PSD3: variants seen among roughly 807,000 people sequenced by gnomAD.
The protein encoded by PSD3 is PH and SEC7 domain-containing protein 3.
In PSD3, 49 loss-of-function variants were observed where a neutral mutation model predicts 105.5. The observed-to-expected ratio is 0.46, with a 90% confidence interval of 0.37 to 0.59. PSD3 has a LOEUF of 0.59. Among genes scored for constraint, PSD3 ranks in the 20% least tolerant of loss-of-function variants. PSD3 has a pLI of 0.00. For synonymous variants in PSD3, 557 were observed against 457.8 expected (o/e 1.22, Z -2.77); for missense variants, 1,561 against 1,263.8 (o/e 1.24, Z -3.57).
chr8:18,722,131 C>G (rs1803020595), intron 9 of PSD3, among the ~76,000 whole-genome samples: 1 of 151,442 alleles, frequency 6.6e-6, no homozygotes. Context: ...ACTTAAAAGT[C>G]TACTAGATCG....
chr8:18,894,859 C>T (rs1455492551), intron 2 of PSD3, among the ~76,000 whole-genome samples: 1 of 152,104 alleles, frequency 6.6e-6, no homozygotes, highest in Non-Finnish European at 1.5e-5. Flanking sequence ...AGGAGACATC[C>T]GGAAGGGACA....
chr8:18,706,585 C>T (rs1199959296), intron 9 of PSD3, among the ~76,000 whole-genome samples: 1 of 152,128 alleles, frequency 6.6e-6, no homozygotes, highest in Non-Finnish European at 1.5e-5. Context: ...ATGCACAATC[C>T]AGGGGAGAAA....
intron 4 of PSD3, among the ~76,000 whole-genome samples, chr8:18,830,366 T>C (rs1813585470): frequency 6.6e-6 from 1 of 152,234 alleles, no homozygotes; most frequent in Non-Finnish European, 1.5e-5. Flanking sequence ...AAGTTATATT[T>C]GGTGTTCCCA....
chr8:18,587,540 C>G (rs1444325201), intron 12 of PSD3, among the ~76,000 whole-genome samples: 1 of 152,118 alleles, frequency 6.6e-6, no homozygotes, highest in Non-Finnish European at 1.5e-5. Context: ...TATTTTCACC[C>G]TTCTCTTGCT....
intron 1 of PSD3, among the ~76,000 whole-genome samples, chr8:19,012,242 G>T (rs1012354891): frequency 6.6e-6 from 1 of 152,172 alleles, no homozygotes; most frequent in Admixed American, 6.5e-5. Context: ...ATATAAAAAG[G>T]TTGTGGAAGG....
chr8:18,614,411 A>ATT (rs200955910), intron 11 of PSD3, among the ~76,000 whole-genome samples: 7,439 of 140,060 alleles, frequency 0.053, 224 homozygotes, highest in African/African-American at 0.082. Flanking sequence ...ATTACCGGGA[A>ATT]TTTTTTTTTT....
intron 10 of PSD3, among the ~76,000 whole-genome samples, chr8:18,650,607 G>C (rs911970948): frequency 1.5e-4 from 23 of 152,222 alleles, no homozygotes; most frequent in African/African-American, 5.1e-4. Context: ...ATCTCATGTT[G>C]TGTTCTCATT....
intron 2 of PSD3, among the ~76,000 whole-genome samples, chr8:18,914,830 T>C (rs1284016684): frequency 1.3e-5 from 2 of 152,192 alleles, no homozygotes; most frequent in African/African-American, 4.8e-5. Flanking sequence ...TCTAATGGCA[T>C]TTTTCAGGGA....
rs371463032 is a variant in PSD3, at chr8:18,843,332, CA to C, written c.1634+24341del. Among the ~76,000 whole-genome samples, 175 of 118,534 alleles carry C rather than the reference CA, an allele frequency of 1.5e-3. No individual in the cohort carries two copies. In the East Asian group the frequency reaches 0.016, roughly 11 times the overall value. The allele number at this position is 118,534 out of a possible 152,430, so 77.8% of individuals were successfully genotyped here. Reference sequence around the variant, plus strand: ...GCCGAGATCGCACGAGACTCCGTCTCAAAAAAAAAAAAAAAGAGTTATTGCT... The same window carrying C: ...GCCGAGATCGCACGAGACTCCGTCTCAAAAAAAAAAAAAAGAGTTATTGCT... On this transcript the variant is annotated intron_variant, in intron 4 of 15. Coordinates refer to ENST00000327040, the MANE Select transcript of PSD3 (RefSeq NM_015310.4).
At chr8:18,935,368 T>G (rs980425755) in intron 2 of PSD3, among the ~76,000 whole-genome samples, 2 of 152,054 alleles carry the variant, frequency 1.3e-5, no homozygotes, top group African/African-American at 4.8e-5. Context: ...AATAATATAT[T>G]TTGTTAGTGA....
At chr8:18,657,916 G>T (rs1038609) in intron 9 of PSD3, among the ~76,000 whole-genome samples, 56,898 of 151,634 alleles carry the variant, frequency 0.38, 10,861 homozygotes, top group South Asian at 0.51. Context: ...CCGCTAAACA[G>T]CTAAAATTTT....
At chr8:18,996,478 T>C (rs1826085128) in intron 1 of PSD3, among the ~76,000 whole-genome samples, 1 of 151,956 alleles carries the variant, frequency 6.6e-6, no homozygotes, top group African/African-American at 2.4e-5. Flanking sequence ...GATGGGAAGA[T>C]AAGGACTTTA....
chr8:18,997,251 T>C (rs1826131667), intron 1 of PSD3, among the ~76,000 whole-genome samples: 1 of 151,980 alleles, frequency 6.6e-6, no homozygotes, highest in Admixed American at 6.6e-5. Flanking sequence ...GAGCTCCTGA[T>C]CCTTTCCAAA....
chr8:18,911,152 G>A (rs776749948), intron 2 of PSD3, among the ~76,000 whole-genome samples: 2 of 152,074 alleles, frequency 1.3e-5, no homozygotes, highest in East Asian at 1.9e-4. Flanking sequence ...GAGTGTTTTC[G>A]GTAGAGTGGG....
chr8:18,876,449 C>T (rs987574727), intron 2 of PSD3, among the ~76,000 whole-genome samples: 3 of 152,102 alleles, frequency 2.0e-5, no homozygotes, highest in Non-Finnish European at 4.4e-5. Flanking sequence ...TGCAGTGGGA[C>T]GATCATGGCT....
chr8:18,553,804 C>A (rs1800915525), intron 15 of PSD3, among the ~76,000 whole-genome samples: 1 of 152,176 alleles, frequency 6.6e-6, no homozygotes, highest in African/African-American at 2.4e-5. Flanking sequence ...AATTTTCCCT[C>A]TTTCATGACA....
chr8:19,057,373 G>A (rs1255445166), intron 1 of PSD3, among the ~76,000 whole-genome samples: 2 of 151,976 alleles, frequency 1.3e-5, no homozygotes, highest in African/African-American at 4.8e-5. Context: ...GTCTCCACAT[G>A]GCCTCATCTC....
At chr8:18,766,388 T>G (rs1396728277) in intron 8 of PSD3, among the ~76,000 whole-genome samples, 2 of 152,172 alleles carry the variant, frequency 1.3e-5, no homozygotes, top group Non-Finnish European at 2.9e-5. Flanking sequence ...ACAATTTTAC[T>G]GCACTAAAAA....
chr8:18,560,934 T>C (rs538744986), intron 14 of PSD3, among the ~76,000 whole-genome samples: 7 of 152,318 alleles, frequency 4.6e-5, no homozygotes, highest in Non-Finnish European at 5.9e-5. Flanking sequence ...TGGAGTGATA[T>C]AGGTTAGACC....
Sources: allele counts gnomAD v4.1 joint callset (sites outside exome capture counted in the v4.1 genomes callset), GRCh38; gene constraint gnomAD v4.1.1; transcripts MANE v1.5; gene names NCBI Gene and HGNC (gene_info 2026-07-23, HGNC 2026-07-21).